Variants in FSTL5 observed in about 807,000 individuals in gnomAD.
FSTL5 encodes the protein follistatin-related protein 5.
Under a neutral mutation model 89.1 loss-of-function variants are expected in FSTL5, and 62 were observed. That is an observed-to-expected ratio of 0.70 (90% CI 0.57 to 0.86). FSTL5 has a LOEUF of 0.86. FSTL5 is among the 40% of genes least tolerant of loss of function. The probability of loss-of-function intolerance (pLI) is 0.00; values close to 1 mark genes in which losing one functional copy is unlikely to be tolerated. For synonymous variants in FSTL5, 383 were observed against 346.2 expected (o/e 1.11, Z -1.18); for missense variants, 1,057 against 1,001.6 (o/e 1.06, Z -0.75).
chr4:161,549,486 T>C (rs981742071), intron 8 of FSTL5, among the ~76,000 whole-genome samples: 1 of 151,896 alleles, frequency 6.6e-6, no homozygotes, highest in Admixed American at 6.6e-5. Flanking sequence ...ATGAAGACCA[T>C]GTGGAAGAGT....
In FSTL5 at chr4:161,943,504, T is replaced by A. The variant is rs2110929830; in HGVS notation, c.161-22852A>T. Among the ~76,000 whole-genome samples, 5 of 148,244 alleles carry A rather than the reference T, an allele frequency of 3.4e-5. 1 individual carries two copies. The Middle Eastern group carries it at 0.018, about 522-fold the overall frequency. On this transcript the variant is annotated intron_variant, in intron 3 of 15. Transcript: ENST00000306100. ...CTCGTGTTTCAGAACTCCTATAAGT[T>A]TTTTATTGGACTTTTACATCAGAAC...
intron 4 of FSTL5, among the ~76,000 whole-genome samples, chr4:161,796,563 TG>T (rs1285795112): frequency 2.0e-4 from 31 of 151,826 alleles, no homozygotes; most frequent in Admixed American, 2.0e-3. Flanking sequence ...TTTTGATTAT[TG>T]AAATCTTTGG....
intron 8 of FSTL5, among the ~76,000 whole-genome samples, chr4:161,556,905 T>C: frequency 6.6e-6 from 1 of 150,752 alleles, no homozygotes; most frequent in Non-Finnish European, 1.5e-5. Context: ...GTAATTTCTT[T>C]AGAAACTACC....
intron 6 of FSTL5, among the ~76,000 whole-genome samples, chr4:161,689,322 T>C (rs1044955835): frequency 1.3e-5 from 2 of 152,168 alleles, no homozygotes; most frequent in African/African-American, 4.8e-5. Flanking sequence ...TTAGTTTCTA[T>C]TGCTGCATAA....
At chr4:161,865,175 C>T (rs1369695988) in intron 4 of FSTL5, among the ~76,000 whole-genome samples, 3 of 151,834 alleles carry the variant, frequency 2.0e-5, no homozygotes, top group African/African-American at 7.2e-5. Flanking sequence ...AGAAGAGACA[C>T]TAATAAAATA....
intron 3 of FSTL5, among the ~76,000 whole-genome samples, chr4:162,011,125 G>A (rs1167154330): frequency 1.3e-5 from 2 of 152,200 alleles, no homozygotes; most frequent in East Asian, 3.9e-4. Context: ...TAGGAGAAGT[G>A]TACATGGCAG....
At chr4:161,750,076 T>C (rs891658124) in intron 6 of FSTL5, among the ~76,000 whole-genome samples, 1 of 152,122 alleles carries the variant, frequency 6.6e-6, no homozygotes, top group Non-Finnish European at 1.5e-5. Flanking sequence ...TATATACGAG[T>C]ATGTTTGTCC....
At chr4:162,070,727 A>G (rs1729583535) in intron 2 of FSTL5, among the ~76,000 whole-genome samples, 1 of 151,776 alleles carries the variant, frequency 6.6e-6, no homozygotes, top group Admixed American at 6.6e-5. Context: ...CTTACAGGCC[A>G]AAAAAGAACG....
intron 6 of FSTL5, among the ~76,000 whole-genome samples, chr4:161,744,439 T>C (rs1011922855): frequency 6.6e-6 from 1 of 152,172 alleles, no homozygotes; most frequent in African/African-American, 2.4e-5. Context: ...CCAATAGTGG[T>C]ATACATCTTT....
chr4:161,715,988 A>T (rs1425277220), intron 6 of FSTL5, among the ~76,000 whole-genome samples: 1 of 152,192 alleles, frequency 6.6e-6, no homozygotes, highest in Non-Finnish European at 1.5e-5. Context: ...TCCACAATAA[A>T]AAGTAAATAA....
chr4:161,598,408 C>CAAAAT (rs1734110212), intron 7 of FSTL5, among the ~76,000 whole-genome samples: 1 of 115,986 alleles, frequency 8.6e-6, no homozygotes, highest in East Asian at 3.3e-4. Context: ...ACAAACAAAA[C>CAAAAT]GCATGTTTTT....
chr4:161,534,973 AG>A (rs977564149), intron 10 of FSTL5, among the ~76,000 whole-genome samples: 4 of 152,186 alleles, frequency 2.6e-5, no homozygotes, highest in African/African-American at 9.6e-5. Context: ...CAACAGGGAA[AG>A]GACTATCTAT....
At chr4:161,562,593 T>C (rs1389131898) in intron 8 of FSTL5, among the ~76,000 whole-genome samples, 2 of 147,132 alleles carry the variant, frequency 1.4e-5, no homozygotes, top group Middle Eastern at 3.7e-3. Context: ...TTTTTGATAC[T>C]AATATAAATG....
Position 161,836,743 on chromosome 4 carries a change from T to C in FSTL5, c.410-60669A>G, listed in dbSNP as rs530141012. On this transcript the variant is annotated intron_variant, in intron 4 of 15. Coordinates refer to ENST00000306100, the MANE Select transcript of FSTL5 (RefSeq NM_020116.5). ...ATTAAAGATATTGTGAAATTTTTTA[T>C]TAAAAATAAATTTTTTAAATATTAA... Among the ~76,000 whole-genome samples the C allele has an allele frequency of 2.6e-5, 4 of 152,108 alleles. No individual in the cohort carries two copies. The South Asian group carries it at 8.3e-4, about 32-fold the overall frequency.
intron 15 of FSTL5, among the ~76,000 whole-genome samples, chr4:161,416,517 C>T (rs2110953278): frequency 6.6e-6 from 1 of 152,228 alleles, no homozygotes; most frequent in Admixed American, 6.5e-5. Context: ...TCCACCAGCA[C>T]ATTTTTCTGA....
chr4:161,573,733 C>CAAAAAA (rs70937664), intron 8 of FSTL5, among the ~76,000 whole-genome samples: 28 of 50,620 alleles, frequency 5.5e-4, no homozygotes, highest in African/African-American at 8.4e-4. Context: ...AACTCCAGCT[C>CAAAAAA]AAAAAAAAAA....
chr4:161,422,551 G>A (rs1210427431), intron 15 of FSTL5, among the ~76,000 whole-genome samples: 2 of 152,140 alleles, frequency 1.3e-5, no homozygotes, highest in Non-Finnish European at 2.9e-5. Context: ...GGTGCCAAGA[G>A]AACTAAAAGC....
intron 13 of FSTL5, among the ~76,000 whole-genome samples, chr4:161,464,106 T>C (rs1181764986): frequency 6.6e-6 from 1 of 152,200 alleles, no homozygotes; most frequent in Non-Finnish European, 1.5e-5. Context: ...CCGGCTAGGA[T>C]ACTCTTGAAA....
chr4:161,928,311 G>A (rs359493), intron 3 of FSTL5, among the ~76,000 whole-genome samples: 16,225 of 151,738 alleles, frequency 0.11, 1,476 homozygotes, highest in African/African-American at 0.24. Flanking sequence ...TTCACCTACT[G>A]AAGGGCATCT....
Sources: allele counts gnomAD v4.1 joint callset (sites outside exome capture counted in the v4.1 genomes callset), GRCh38; gene constraint gnomAD v4.1.1; transcripts MANE v1.5; gene names NCBI Gene and HGNC (gene_info 2026-07-23, HGNC 2026-07-21).